Variants in WWOX observed in about 807,000 individuals in gnomAD.
The protein encoded by WWOX is WW domain containing oxidoreductase.
WWOX carries 69 observed loss-of-function variants against 46.2 expected under a neutral mutation model. That is an observed-to-expected ratio of 1.49 (90% CI 1.23 to 1.82). WWOX has a LOEUF of 1.82. WWOX is among the 40% of genes most tolerant of loss of function. The probability of loss-of-function intolerance (pLI) is 0.00; values close to 1 mark genes in which losing one functional copy is unlikely to be tolerated. For synonymous variants in WWOX, 359 were observed against 202.6 expected (o/e 1.77, Z -6.56); for missense variants, 919 against 542.6 (o/e 1.69, Z -6.89).
intron 8 of WWOX, among the ~76,000 whole-genome samples, chr16:78,434,081 G>A (rs986685485): frequency 3.9e-5 from 6 of 152,130 alleles, no homozygotes; most frequent in Non-Finnish European, 5.9e-5. Context: ...GAGCCACCGC[G>A]CCCGGCCTGG....
chr16:79,082,877 G>A (rs899638085), intron 8 of WWOX, among the ~76,000 whole-genome samples: 10 of 152,236 alleles, frequency 6.6e-5, no homozygotes, highest in East Asian at 1.9e-4. Context: ...TGTGTAATCC[G>A]TGGCAGATGT....
chr16:78,687,095 T>G (rs1165783334), intron 8 of WWOX, among the ~76,000 whole-genome samples: 1 of 151,894 alleles, frequency 6.6e-6, no homozygotes, highest in Non-Finnish European at 1.5e-5. Flanking sequence ...AACACATTTT[T>G]TTTTCCAATG....
At chr16:78,538,609 T>A (rs770313366) in intron 8 of WWOX, among the ~76,000 whole-genome samples, 1 of 152,206 alleles carries the variant, frequency 6.6e-6, no homozygotes, top group Non-Finnish European at 1.5e-5. Context: ...AAGCTGCAGT[T>A]TATCATTATA....
intron 8 of WWOX, among the ~76,000 whole-genome samples, chr16:78,536,932 TGAGA>T (rs1011369868): frequency 4.7e-5 from 7 of 149,812 alleles, no homozygotes; most frequent in Non-Finnish European, 7.4e-5. Context: ...CCTCCTTTTT[TGAGA>T]GAGAGAGTCT....
At chr16:79,138,932 G>C (rs997286458) in intron 8 of WWOX, among the ~76,000 whole-genome samples, 39 of 152,116 alleles carry the variant, frequency 2.6e-4, no homozygotes, top group African/African-American at 9.4e-4. Context: ...ACCAGGGTAA[G>C]GCTTACAGGC....
chr16:78,479,289 C>G (rs192762447), intron 8 of WWOX, among the ~76,000 whole-genome samples: 160 of 152,286 alleles, frequency 1.1e-3, no homozygotes, highest in African/African-American at 3.8e-3. Flanking sequence ...TTGTATCAGT[C>G]AAGCCTTCCA....
intron 4 of WWOX, among the ~76,000 whole-genome samples, chr16:78,131,329 A>G (rs2033584919): frequency 1.3e-5 from 2 of 152,210 alleles, no homozygotes; most frequent in African/African-American, 4.8e-5. Context: ...CTCTCACCTC[A>G]GCCTCCTGAG....
chr16:78,705,938 G>GT (rs1160978097), intron 8 of WWOX, among the ~76,000 whole-genome samples: 1 of 152,060 alleles, frequency 6.6e-6, no homozygotes, highest in Admixed American at 6.6e-5. Flanking sequence ...ACTAAGGAAT[G>GT]TTTGAGTGTG....
chr16:78,542,944 A>G (rs1402807485), intron 8 of WWOX, among the ~76,000 whole-genome samples: 1 of 152,208 alleles, frequency 6.6e-6, no homozygotes, highest in African/African-American at 2.4e-5. Flanking sequence ...TAGAAAAATG[A>G]GAGGAGGAGA....
chr16:78,302,730 C>G (rs991440286), intron 5 of WWOX, among the ~76,000 whole-genome samples: 3 of 152,164 alleles, frequency 2.0e-5, no homozygotes, highest in African/African-American at 7.2e-5. Context: ...TTTACACACT[C>G]CTGCTACTTG....
intron 8 of WWOX, among the ~76,000 whole-genome samples, chr16:78,446,601 TTATGA>T (rs1184496389): frequency 1.3e-5 from 2 of 151,726 alleles, no homozygotes; most frequent in Non-Finnish European, 2.9e-5. Context: ...TAAAAATTAC[TTATGA>T]TATGTTTTTC....
chr16:78,244,538 A>G (rs1054158303), intron 5 of WWOX, among the ~76,000 whole-genome samples: 2 of 152,052 alleles, frequency 1.3e-5, no homozygotes, highest in Admixed American at 6.6e-5. Context: ...TTATGGTTCT[A>G]TTTTTAGTCA....
intron 8 of WWOX, among the ~76,000 whole-genome samples, chr16:79,013,232 C>T (rs561428007): frequency 6.6e-6 from 1 of 152,098 alleles, no homozygotes; most frequent in Admixed American, 6.6e-5. Flanking sequence ...CTCTGTGCAT[C>T]CTCCCACAGG....
intron 5 of WWOX, among the ~76,000 whole-genome samples, chr16:78,301,896 G>C (rs761569724): frequency 1.4e-4 from 22 of 151,898 alleles, no homozygotes; most frequent in Non-Finnish European, 3.1e-4. Context: ...ACAGAGTAAG[G>C]CCTCTTCTAC....
chr16:78,737,748 T>G (rs2049123965), intron 8 of WWOX, among the ~76,000 whole-genome samples: 1 of 152,096 alleles, frequency 6.6e-6, no homozygotes, highest in African/African-American at 2.4e-5. Context: ...TGAGTCCCAT[T>G]TTTTTCTTCC....
chr16:78,679,607 C>A (rs995237007), intron 8 of WWOX, among the ~76,000 whole-genome samples: 1 of 152,118 alleles, frequency 6.6e-6, no homozygotes, highest in South Asian at 2.1e-4. Context: ...CTTTTCTCCC[C>A]ACCTCTTTTA....
intron 8 of WWOX, among the ~76,000 whole-genome samples, chr16:78,800,179 TG>T (rs2142648651): frequency 6.6e-6 from 1 of 151,956 alleles, no homozygotes; most frequent in Non-Finnish European, 1.5e-5. Flanking sequence ...GTATTAAAAC[TG>T]AGAAGGAGAA....
chr16:78,491,688 T>C (rs1250386128), intron 8 of WWOX, among the ~76,000 whole-genome samples: 1 of 152,160 alleles, frequency 6.6e-6, no homozygotes, highest in Non-Finnish European at 1.5e-5. Flanking sequence ...TGGGAGTGAT[T>C]ACAGAATCCC....
chr16:78,576,782 G>A (rs368132434), intron 8 of WWOX, among the ~76,000 whole-genome samples: 3 of 152,312 alleles, frequency 2.0e-5, no homozygotes, highest in South Asian at 4.1e-4. Flanking sequence ...AATGAGCTAT[G>A]ATTGTGCCAC....
Sources: allele counts gnomAD v4.1 joint callset (sites outside exome capture counted in the v4.1 genomes callset), GRCh38; gene constraint gnomAD v4.1.1; transcripts MANE v1.5; gene names NCBI Gene and HGNC (gene_info 2026-07-23, HGNC 2026-07-21).